Variants in COL4A2 observed in about 807,000 individuals in gnomAD.
COL4A2 encodes collagen alpha-2(IV) chain.
In COL4A2, 99 loss-of-function variants were observed where a neutral mutation model predicts 200.2. The observed-to-expected ratio is 0.49, with a 90% CI of 0.42 to 0.58. The LOEUF is 0.58. Among genes scored for constraint, COL4A2 ranks in the 20% least tolerant of loss-of-function variants. COL4A2 has a pLI of 0.00. For missense variants in COL4A2, 1,950 were observed against 2,314.1 expected, an observed-to-expected ratio of 0.84 and a Z score of 3.23; for synonymous variants, 897 against 900.6, an observed-to-expected ratio of 1.00 and a Z score of 0.07.
At chr13:110,441,004 G>A (rs886806000) in intron 16 of COL4A2, among the ~76,000 whole-genome samples, 7 of 152,198 alleles carry the variant, frequency 4.6e-5, no homozygotes, top group African/African-American at 1.2e-4. Flanking sequence ...CAATAGGTGC[G>A]CCATATTTCC....
chr13:110,320,454 G>A (rs961757635), intron 3 of COL4A2, among the ~76,000 whole-genome samples: 1 of 152,220 alleles, frequency 6.6e-6, no homozygotes, highest in Non-Finnish European at 1.5e-5. Flanking sequence ...TCAGGAGGGG[G>A]AAGGAAGTCA....
chr13:110,460,549 T>C (rs922526361), intron 22 of COL4A2, among the ~76,000 whole-genome samples: 2 of 152,200 alleles, frequency 1.3e-5, no homozygotes, highest in Admixed American at 6.5e-5. Flanking sequence ...GACCCCATTC[T>C]GTGCCCCTGA....
intron 3 of COL4A2, among the ~76,000 whole-genome samples, chr13:110,309,011 C>T (rs1310688372): frequency 4.6e-5 from 7 of 152,168 alleles, no homozygotes; most frequent in African/African-American, 1.2e-4. Flanking sequence ...CTGTGGCAGC[C>T]GGGGCCCAGG....
intron 26 of COL4A2, 114 bp from the exon 27 acceptor site, chr13:110,466,926 C>T: frequency 1.5e-6 from 2 of 1,330,522 alleles, no homozygotes; most frequent in Non-Finnish European, 2.1e-6. Context: ...TACTCTGATC[C>T]CAGAATGGTA....
intron 3 of COL4A2, among the ~76,000 whole-genome samples, chr13:110,337,626 A>T (rs1445198985): frequency 6.6e-6 from 1 of 152,188 alleles, no homozygotes; most frequent in East Asian, 1.9e-4. Context: ...GCTTAGGCTG[A>T]TGTTCCCCCT....
Position 110,458,760 on chromosome 13 carries a change from C to T in COL4A2, c.1433-11C>T, listed in dbSNP as rs763950177. ...GCGGAACAAGGAGGCCCTCCTCTCC[C>T]TCCTCTGCAGGTGACGCTGGGGAAT... is the stretch of plus-strand genomic sequence containing the variant. On this transcript the variant is annotated splice_polypyrimidine_tract_variant and intron_variant, in intron 21 of 47. Coordinates refer to ENST00000360467, the MANE Select transcript of COL4A2 (RefSeq NM_001846.4). 7.4e-6 allele frequency: 12 copies of T among 1,613,898 alleles called. No individual in the cohort carries two copies. The highest frequency in any genetic ancestry group is 3.3e-5 in the South Asian group (3 of 91,062).
chr13:110,490,563 C>T (rs1005442788), intron 36 of COL4A2, among the ~76,000 whole-genome samples: 6 of 152,146 alleles, frequency 3.9e-5, no homozygotes, highest in African/African-American at 1.2e-4. Flanking sequence ...GGGAAATAGG[C>T]GCCTCTGTTT....
chr13:110,339,277 G>A (rs1304375449), intron 3 of COL4A2, among the ~76,000 whole-genome samples: 2 of 152,190 alleles, frequency 1.3e-5, no homozygotes, highest in African/African-American at 2.4e-5. Flanking sequence ...ATGGACAGTA[G>A]GTGTGGGAGG....
intron 4 of COL4A2, among the ~76,000 whole-genome samples, chr13:110,418,480 A>G (rs1244097919): frequency 6.6e-6 from 1 of 152,244 alleles, no homozygotes; most frequent in African/African-American, 2.4e-5. Context: ...GAAGCGATAC[A>G]GCTTTAGCTC....
chr13:110,506,066 C>T (rs1316200591), intron 45 of COL4A2, among the ~76,000 whole-genome samples: 3 of 152,166 alleles, frequency 2.0e-5, no homozygotes, highest in African/African-American at 4.8e-5. Flanking sequence ...TGGTTCTAGG[C>T]GCACCTGGAA....
intron 3 of COL4A2, among the ~76,000 whole-genome samples, chr13:110,351,318 G>T (rs565565534): frequency 6.6e-6 from 1 of 152,202 alleles, no homozygotes; most frequent in East Asian, 1.9e-4. Context: ...CAAGCGATCT[G>T]CCTGCCTGGG....
chr13:110,369,051 A>G (rs1877885628), intron 4 of COL4A2, among the ~76,000 whole-genome samples: 2 of 152,164 alleles, frequency 1.3e-5, no homozygotes, highest in Admixed American at 6.5e-5. Context: ...TACTAAAAAT[A>G]CAAAACAATT....
chr13:110,330,020 G>C (rs1445051390), intron 3 of COL4A2, among the ~76,000 whole-genome samples: 2 of 152,218 alleles, frequency 1.3e-5, no homozygotes, highest in Non-Finnish European at 2.9e-5. Flanking sequence ...AATGAACACT[G>C]TGTGTATTTT....
Position 110,385,897 on chromosome 13 carries a change from A to G in COL4A2, c.180+28345A>G, listed in dbSNP as rs141984259. On this transcript the variant is annotated intron_variant, in intron 4 of 47. Coordinates refer to ENST00000360467, the MANE Select transcript of COL4A2 (RefSeq NM_001846.4). ...TGGGCCGTGGTTACAGCGTGTGGAT[A>G]GGCCGTGGTTACAGCGTGTGGATGG... Among the ~76,000 whole-genome samples the G allele has an allele frequency of 8.1e-3, 283 of 34,800 alleles. 4 individuals carry two copies. The highest frequency in any genetic ancestry group is 0.023 in the African/African-American group (231 of 9,922). 22.8% of individuals were successfully genotyped at this position (34,800 alleles called of 152,430 possible).
intron 3 of COL4A2, among the ~76,000 whole-genome samples, chr13:110,333,624 G>A (rs1566478116): frequency 6.6e-6 from 1 of 152,210 alleles, no homozygotes; most frequent in Non-Finnish European, 1.5e-5. Context: ...TACTGCACCT[G>A]AGATGGGAAG....
intron 4 of COL4A2, among the ~76,000 whole-genome samples, chr13:110,409,434 G>A (rs150632996): frequency 3.9e-5 from 6 of 152,348 alleles, no homozygotes; most frequent in East Asian, 3.9e-4. Flanking sequence ...AATGAACCGC[G>A]TGCATCTTTG....
intron 43 of COL4A2, among the ~76,000 whole-genome samples, 163 bp from the exon 44 acceptor site, chr13:110,503,684 T>C (rs1399618260): frequency 1.3e-5 from 2 of 152,244 alleles, no homozygotes; most frequent in East Asian, 3.9e-4. Flanking sequence ...CGGCAGGCGC[T>C]GAGTCACGGC....
In COL4A2 at chr13:110,512,606, G is replaced by T; in HGVS notation, c.*415G>T. 1 of 193,870 alleles carries T rather than the reference G, an allele frequency of 5.2e-6. No homozygotes were observed. The highest frequency in any genetic ancestry group is 1.0e-5 in the Non-Finnish European group (1 of 95,490). 12.0% of individuals were successfully genotyped at this position (193,870 alleles called of 1,614,324 possible). On this transcript the variant is annotated 3_prime_UTR_variant, in exon 48 of 48. Transcript: ENST00000360467. ...GTGGCCAGAGGCTCGAGGGGCTCAG[G>T]GCCTCAGGCACCCGTCCCCACACGA...
intron 24 of COL4A2, among the ~76,000 whole-genome samples, chr13:110,464,729 C>T (rs1882164481): frequency 6.6e-6 from 1 of 152,138 alleles, no homozygotes; most frequent in Non-Finnish European, 1.5e-5. Flanking sequence ...AGCAGATGAG[C>T]GGGAGCTTAT....
Sources: allele counts gnomAD v4.1 joint callset (sites outside exome capture counted in the v4.1 genomes callset), GRCh38; gene constraint gnomAD v4.1.1; transcripts MANE v1.5; gene names NCBI Gene and HGNC (gene_info 2026-07-23, HGNC 2026-07-21).